RARB: variants seen among roughly 807,000 people sequenced by gnomAD.
The protein encoded by RARB is HBV-activated protein.
Under a neutral mutation model 51.9 loss-of-function variants are expected in RARB, and 17 were observed. That is an observed-to-expected ratio of 0.33 (90% CI 0.22 to 0.49). The LOEUF (loss-of-function observed/expected upper bound fraction) is 0.49. RARB is among the 20% of genes least tolerant of loss of function. RARB has a pLI of 0.99. For missense variants in RARB, 369 were observed against 550.8 expected, an observed-to-expected ratio of 0.67 and a Z score of 3.30; for synonymous variants, 215 against 195.4, an observed-to-expected ratio of 1.10 and a Z score of -0.84.
chr3:25,289,226 C>G (rs1703726966), intron 5 of RARB, among the ~76,000 whole-genome samples: 1 of 152,168 alleles, frequency 6.6e-6, no homozygotes, highest in Non-Finnish European at 1.5e-5. Flanking sequence ...TTTCATTCAC[C>G]AAAATGGTTA....
intron 3 of RARB, among the ~76,000 whole-genome samples, chr3:25,104,987 G>A (rs1342605532): frequency 6.6e-6 from 1 of 152,126 alleles, no homozygotes; most frequent in Non-Finnish European, 1.5e-5. Context: ...ACGAGTGCTT[G>A]TGAAAATTCA....
intron 5 of RARB, among the ~76,000 whole-genome samples, chr3:25,267,319 G>A (rs1016587299): frequency 6.6e-6 from 1 of 152,146 alleles, no homozygotes; most frequent in Non-Finnish European, 1.5e-5. Flanking sequence ...GCAGACAATG[G>A]AAAGCCTTTA....
intron 2 of RARB, among the ~76,000 whole-genome samples, chr3:24,936,944 C>A (rs145584111): frequency 2.6e-3 from 399 of 152,236 alleles, no homozygotes; most frequent in Non-Finnish European, 4.3e-3. Context: ...AAAGGCCATT[C>A]CTGGGTTAAA....
chr3:25,059,286 C>T (rs1166931465), intron 2 of RARB, among the ~76,000 whole-genome samples: 1 of 151,504 alleles, frequency 6.6e-6, no homozygotes, highest in Non-Finnish European at 1.5e-5. Flanking sequence ...TATCTATTTC[C>T]TTGCTTTTAA....
In RARB at chr3:25,298,857, C is replaced by T. The variant is rs1330288680; in HGVS notation, c.178+124282C>T. ...TCCAAGAACCCCTCAAGGATTCCCT[C>T]AGAGTGAAGGTGGGGTTGGGAGCCA... is the stretch of plus-strand genomic sequence containing the variant. On this transcript the variant is annotated intron_variant, in intron 5 of 11. Coordinates refer to the RARB transcript ENST00000383772. Among the ~76,000 whole-genome samples, 6 of 152,274 alleles carry T rather than the reference C, an allele frequency of 3.9e-5. 1 individual carries two copies. The highest frequency in any genetic ancestry group is 9.6e-5 in the African/African-American group (4 of 41,550).
intron 5 of RARB, among the ~76,000 whole-genome samples, chr3:25,412,814 G>T (rs1289976107): frequency 3.3e-5 from 5 of 152,142 alleles, no homozygotes; most frequent in Non-Finnish European, 7.4e-5. Context: ...CAGGTTGGGA[G>T]TTTGAGACCA....
intron 2 of RARB, among the ~76,000 whole-genome samples, chr3:24,877,792 A>G (rs951644893): frequency 6.6e-6 from 1 of 152,148 alleles, no homozygotes; most frequent in African/African-American, 2.4e-5. Context: ...TGTTAATGAA[A>G]TGATCCTCAG....
At chr3:24,939,152 GT>G (rs1419453055) in intron 2 of RARB, among the ~76,000 whole-genome samples, 2 of 151,900 alleles carry the variant, frequency 1.3e-5, no homozygotes, top group Non-Finnish European at 2.9e-5. Flanking sequence ...CTGGCTAATT[GT>G]TTGTATTTTT....
chr3:25,492,724 C>G (rs1696802075), intron 2 of RARB, among the ~76,000 whole-genome samples: 1 of 152,152 alleles, frequency 6.6e-6, no homozygotes, highest in Non-Finnish European at 1.5e-5. Context: ...TTCTTTAGAA[C>G]CATTTTTCTA....
intron 2 of RARB, among the ~76,000 whole-genome samples, chr3:25,488,872 G>C (rs1696593881): frequency 6.6e-6 from 1 of 152,168 alleles, no homozygotes; most frequent in Non-Finnish European, 1.5e-5. Flanking sequence ...GAAAACTGGA[G>C]AACAATCTAA....
intron 2 of RARB, among the ~76,000 whole-genome samples, chr3:24,993,356 C>T (rs569981498): frequency 3.9e-5 from 6 of 152,008 alleles, no homozygotes; most frequent in East Asian, 1.9e-4. Context: ...TTGTAAACAG[C>T]GTGGACAAAA....
At chr3:25,196,627 A>T (rs2125367393) in intron 5 of RARB, among the ~76,000 whole-genome samples, 1 of 152,242 alleles carries the variant, frequency 6.6e-6, no homozygotes, top group South Asian at 2.1e-4. Flanking sequence ...CTAGTTCTAG[A>T]TTCTTGAGGA....
chr3:25,468,575 TTC>T (rs1695548476), intron 2 of RARB, among the ~76,000 whole-genome samples: 1 of 152,006 alleles, frequency 6.6e-6, no homozygotes, highest in Non-Finnish European at 1.5e-5. Context: ...ACCCCACTGC[TTC>T]AGCCACACTT....
At chr3:25,394,437 G>T (rs1707059450) in intron 5 of RARB, among the ~76,000 whole-genome samples, 1 of 152,108 alleles carries the variant, frequency 6.6e-6, no homozygotes, top group Admixed American at 6.6e-5. Flanking sequence ...TATAGTTTCA[G>T]TCCACTGTTT....
chr3:25,427,043 G>GT (rs1343894960), upstream of RARB, among the ~76,000 whole-genome samples: 2 of 152,216 alleles, frequency 1.3e-5, no homozygotes, highest in Non-Finnish European at 2.9e-5. Context: ...ACTTAAACCA[G>GT]TTTACAAAAT....
intron 5 of RARB, among the ~76,000 whole-genome samples, chr3:25,304,070 C>G (rs936438410): frequency 6.6e-6 from 1 of 152,082 alleles, no homozygotes; most frequent in Non-Finnish European, 1.5e-5. Context: ...ACATGTACAC[C>G]TTTTCTTTGC....
chr3:25,002,252 G>A (rs1374154089), intron 2 of RARB, among the ~76,000 whole-genome samples: 4 of 152,168 alleles, frequency 2.6e-5, no homozygotes, highest in South Asian at 2.1e-4. Flanking sequence ...CACTTCCCAC[G>A]TTTATCAGGC....
chr3:25,326,813 T>A (rs1205950861), intron 5 of RARB, among the ~76,000 whole-genome samples: 1 of 139,678 alleles, frequency 7.2e-6, no homozygotes, highest in African/African-American at 2.6e-5. Context: ...AAATGTAGGA[T>A]AAAAAGACAC....
intron 5 of RARB, among the ~76,000 whole-genome samples, chr3:25,296,635 T>C (rs754706443): frequency 1.3e-5 from 2 of 152,130 alleles, no homozygotes; most frequent in Non-Finnish European, 2.9e-5. Flanking sequence ...ATTATCTGGA[T>C]TACTGGAGGG....
Sources: allele counts gnomAD v4.1 joint callset (sites outside exome capture counted in the v4.1 genomes callset), GRCh38; gene constraint gnomAD v4.1.1; transcripts MANE v1.5; gene names NCBI Gene and HGNC (gene_info 2026-07-23, HGNC 2026-07-21).